Variants in AP1B1 observed in about 807,000 individuals in gnomAD.
The protein encoded by AP1B1 is adaptor related protein complex 1 subunit beta 1.
AP1B1 carries 36 observed loss-of-function variants against 104.3 expected under a neutral mutation model. The observed-to-expected ratio is 0.35, with a 90% confidence interval of 0.26 to 0.46. AP1B1 has a LOEUF of 0.46. Ranked by LOEUF, AP1B1 falls within the 20% of genes least tolerant of loss-of-function variation. AP1B1 has a pLI of 1.00. For missense variants in AP1B1, 901 were observed against 1,247.9 expected (o/e 0.72, Z 4.19); for synonymous variants, 504 against 517.5 (o/e 0.97, Z 0.35).
chr22:29,350,128 C>T lies in AP1B1; in HGVS notation c.1178G>A (p.Ser393Asn). 3 of 1,614,162 alleles carry T rather than the reference C, an allele frequency of 1.9e-6. No homozygotes were observed. The highest frequency in any genetic ancestry group is 2.5e-6 in the Non-Finnish European group (3 of 1,180,014). ...GGTCTGGATGAGGTCGAGCAGCGTG[C>T]TCACACAGCGCTCCGCAGATTGCTG... ...KVEQSAERCV[S>N]TLLDLIQTKV... is the part of the protein sequence containing the mutation. Residue 393 changes from serine (S) to asparagine (N), a missense_variant, in exon 10 of 23, where the codon AGC (serine) becomes AAC (asparagine). Around this residue, in one of 3 missense-constraint regions of AP1B1, gnomAD observed 471 missense variants for 696.7 expected, o/e 0.68. Transcript: ENST00000357586.
intron 1 of AP1B1, among the ~76,000 whole-genome samples, chr22:29,375,965 G>A (rs1966843623): frequency 6.6e-6 from 1 of 152,148 alleles, no homozygotes; most frequent in African/African-American, 2.4e-5. Flanking sequence ...TCTACTGAAT[G>A]ACAAATCTCT....
Position 29,349,357 on chromosome 22 carries a change from C to T in AP1B1, c.1298G>A (p.Cys433Tyr), listed in dbSNP as rs2061838454. Residue 433 changes from cysteine (C) to tyrosine (Y), a missense_variant, in exon 11 of 23, where the codon TGT (cysteine) becomes TAT (tyrosine). Transcript: ENST00000357586. Reference protein sequence around the residue: ...NKYESVIATLCENLDSLDEPE... With the variant: ...NKYESVIATLYENLDSLDEPE... ...CTCATCCAGGGAGTCCAGATTCTCA[C>T]ACAGTGTGGCAATCACACTCTCATA... 3 of 1,613,904 alleles carry T rather than the reference C, an allele frequency of 1.9e-6. No individual in the cohort carries two copies. The highest frequency in any genetic ancestry group is 1.7e-5 in the Admixed American group (1 of 60,006).
At chr22:29,356,259 G>A (rs2061955920) in intron 6 of AP1B1, among the ~76,000 whole-genome samples, 167 bp downstream of exon 6, 1 of 152,232 alleles carries the variant, frequency 6.6e-6, no homozygotes, top group Admixed American at 6.5e-5. Flanking sequence ...ACCTGGCTCT[G>A]GAGAGGTGGG....
In AP1B1 at chr22:29,340,705, G is replaced by A. The variant is rs760562639; in HGVS notation, c.1949C>T (p.Ser650Leu). Residue 650 changes from serine to leucine, a missense_variant, in exon 14 of 23, where the codon TCG (serine) becomes TTG (leucine). Coordinates refer to ENST00000357586, the MANE Select transcript of AP1B1 (RefSeq NM_001127.4). The part of the protein sequence containing the change: ...PVSGPPLATS[S>L]VQMGAVDLLG... ...AAGGTCCACAGCTCCCATCTGCACC[G>A]AGGAGGTGGCCAGGGGTGGGCCGCT... 1.8e-5 allele frequency: 29 copies of A among 1,587,220 alleles called. No homozygotes were observed. In the South Asian group the frequency reaches 2.1e-4, roughly 11 times the overall value.
chr22:29,362,167 C>T (rs1257444128), intron 3 of AP1B1, among the ~76,000 whole-genome samples: 2 of 151,952 alleles, frequency 1.3e-5, no homozygotes, highest in African/African-American at 4.8e-5. Context: ...AGCCAAGGTG[C>T]GGCAGCCGCT....
At position 29,339,756 on chromosome 22, in the gene AP1B1, C is replaced by T. The variant is rs1437376468; in HGVS notation, c.2017G>A (p.Gly673Arg). The change falls in exon 15 of 23, where the codon GGG becomes AGG. Residue 673 changes from glycine to arginine, a missense_variant and splice_region_variant. By Grantham distance (125) the Gly-to-Arg change is moderately radical. Coordinates refer to ENST00000357586, the MANE Select transcript of AP1B1 (RefSeq NM_001127.4). The part of the protein sequence containing the change: ...LDSLMGDEPE[G>R]IGGTNFVAPP... Reference sequence around the variant, plus strand: ...GTGACGCAAGGGTTGAACCATACCCCTTCAGGCTCATCCCCCATCTCCAAG... The same window carrying T: ...GTGACGCAAGGGTTGAACCATACCCTTTCAGGCTCATCCCCCATCTCCAAG... The T allele has an allele frequency of 1.2e-6, 2 of 1,609,348 alleles. No individual in the cohort carries two copies. The highest frequency in any genetic ancestry group is 1.7e-6 in the Non-Finnish European group (2 of 1,177,970).
In AP1B1 at chr22:29,332,678, T is replaced by C. The variant is rs2061579494; in HGVS notation, c.2310-762A>G. ...ACACCGTCTCAGGGAGGAGCAGGCC[T>C]GTGTCAGACCCCATAGGGTGAGGGC... is the stretch of plus-strand genomic sequence containing the variant. On this transcript the variant is annotated intron_variant, in intron 17 of 22. Transcript: ENST00000357586. Among the ~76,000 whole-genome samples the C allele has an allele frequency of 2.0e-5, 3 of 152,330 alleles. No individual in the cohort carries two copies. In the South Asian group the frequency reaches 6.2e-4, roughly 32 times the overall value.
At chr22:29,352,572 CCTATGACCCAG>C (rs1261306735) in intron 7 of AP1B1, among the ~76,000 whole-genome samples, 2 of 152,140 alleles carry the variant, frequency 1.3e-5, no homozygotes, top group Non-Finnish European at 2.9e-5. Flanking sequence ...GTCCTTCTCC[CCTATGACCCAG>C]CCGGGCAGCC....
At chr22:29,339,274 G>C in intron 15 of AP1B1, 141 bp from the exon 16 acceptor site, 1 of 991,206 alleles carries the variant, frequency 1.0e-6, no homozygotes, top group Non-Finnish European at 1.5e-6. Flanking sequence ...CTAAATTACA[G>C]AAACAAGACA....
At chr22:29,347,119 C>T (rs1235015148) in intron 11 of AP1B1, among the ~76,000 whole-genome samples, 1 of 152,182 alleles carries the variant, frequency 6.6e-6, no homozygotes, top group African/African-American at 2.4e-5. Flanking sequence ...TTCCTTACAG[C>T]TCCCACTGTT....
intron 11 of AP1B1, among the ~76,000 whole-genome samples, chr22:29,347,823 C>T (rs917341523): frequency 1.3e-4 from 20 of 152,232 alleles, no homozygotes; most frequent in Non-Finnish European, 1.9e-4. Context: ...AAATCTCAAA[C>T]TCACATGCTC....
At chr22:29,335,584 C>T (rs962949215) in intron 16 of AP1B1, among the ~76,000 whole-genome samples, 1 of 152,198 alleles carries the variant, frequency 6.6e-6, no homozygotes, top group Non-Finnish European at 1.5e-5. Flanking sequence ...CACCCCATTT[C>T]CACCCTCTCC....
At chr22:29,331,384 C>T (rs554863740) in intron 19 of AP1B1, 65 bp downstream of exon 19, 32 of 1,521,042 alleles carry the variant, frequency 2.1e-5, no homozygotes, top group Non-Finnish European at 2.9e-5. Context: ...AAAGGCACCA[C>T]CTTGGCCAGG....
intron 2 of AP1B1, among the ~76,000 whole-genome samples, chr22:29,366,712 T>A (rs2148020367): frequency 6.6e-6 from 1 of 151,594 alleles, no homozygotes; most frequent in South Asian, 2.1e-4. Context: ...GGCAGGAGAA[T>A]AACTTCAACT....
rs370797905 is a variant in AP1B1 at position 29,341,507 on chromosome 22, G to A, written c.1790C>T (p.Thr597Met). ...GVVHKSLPPR[T>M]ASSESAESPE... ...ACTGGCCAGTCTCACTCACGAGGCCGTGCGAGGTGGCAGGCTCTTGTGCAC... is the reference window on the plus strand; with the variant it reads ...ACTGGCCAGTCTCACTCACGAGGCCATGCGAGGTGGCAGGCTCTTGTGCAC... The change falls in exon 13 of 23, where the codon ACG (threonine) becomes ATG (methionine). Residue 597 changes from threonine to methionine, a missense_variant. Physicochemically the swap from Thr to Met is moderately conservative, Grantham distance 81. Transcript: ENST00000357586. The A allele has an allele frequency of 4.2e-5, 67 of 1,612,094 alleles. No individual in the cohort carries two copies. The highest frequency in any genetic ancestry group is 5.1e-5 in the Non-Finnish European group (60 of 1,178,604).
chr22:29,371,690 T>G (rs1036682351), intron 1 of AP1B1, among the ~76,000 whole-genome samples: 4 of 151,902 alleles, frequency 2.6e-5, no homozygotes, highest in African/African-American at 9.7e-5. Context: ...ATCGCGCCAC[T>G]GCACTCTAGC....
chr22:29,330,463 T>A lies in AP1B1; in HGVS notation c.2681A>T (p.Asp894Val). The change falls in exon 21 of 23, where the codon GAC becomes GTC. Residue 894 changes from aspartate (D) to valine (V), a missense_variant. Transcript: ENST00000357586. ...TVAKRNVEGQ[D>V]MLYQSLKLTN... ...CAGCTTCAGGGACTGGTAGAGCATGTCCTGGCCCTCCACGTTCCTCTTGGC... is the reference window on the plus strand; with the variant it reads ...CAGCTTCAGGGACTGGTAGAGCATGACCTGGCCCTCCACGTTCCTCTTGGC... The A allele has an allele frequency of 6.2e-7, 1 of 1,613,872 alleles. No individual in the cohort carries two copies. Among genetic ancestry groups the A allele is most frequent in the African/African-American group, 1.3e-5 (1 of 75,070 alleles).
At chr22:29,339,235 C>T (rs1602702184) in intron 15 of AP1B1, 102 bp from the exon 16 acceptor site, 1 of 1,376,340 alleles carries the variant, frequency 7.3e-7, no homozygotes, top group Non-Finnish European at 1.0e-6. Flanking sequence ...ACACTGGGGG[C>T]AGGGGGCAGG....
chr22:29,335,881 A>G (rs2061630730), intron 16 of AP1B1, among the ~76,000 whole-genome samples: 1 of 152,168 alleles, frequency 6.6e-6, no homozygotes, highest in Admixed American at 6.5e-5. Context: ...TGGCTGTGCC[A>G]CGGCGGCTGA....
Sources: gnomAD v4.1 joint callset for allele counts (sites outside exome capture counted in the v4.1 genomes callset) on GRCh38, gnomAD v4.1.1 for gene constraint, gnomAD v4.1.1 regional missense constraint, MANE v1.5 for transcripts, NCBI Gene and HGNC (gene_info 2026-07-23, HGNC 2026-07-21) for gene names.